PRKCA: variants seen among roughly 807,000 people sequenced by gnomAD.
PRKCA encodes the protein protein kinase C alpha type.
PRKCA carries 27 observed loss-of-function variants against 87.0 expected under a neutral mutation model. The observed-to-expected ratio is 0.31, with a 90% CI of 0.23 to 0.43. The LOEUF is 0.43. PRKCA is among the 20% of genes least tolerant of loss of function. PRKCA has a pLI of 1.00. For missense variants in PRKCA, 518 were observed against 852.3 expected, an observed-to-expected ratio of 0.61 and a Z score of 4.88; for synonymous variants, 329 against 311.1, an observed-to-expected ratio of 1.06 and a Z score of -0.61.
intron 3 of PRKCA, among the ~76,000 whole-genome samples, chr17:66,612,132 G>T (rs549234362): frequency 1.3e-5 from 2 of 151,296 alleles, no homozygotes; most frequent in East Asian, 3.9e-4. Flanking sequence ...TGTAATCCCA[G>T]CACTTTGAGA....
chr17:66,608,724 C>T (rs1208215248), intron 3 of PRKCA, among the ~76,000 whole-genome samples: 1 of 152,104 alleles, frequency 6.6e-6, no homozygotes, highest in African/African-American at 2.4e-5. Context: ...ATAAAGGTCT[C>T]CAGGAAGGTT....
chr17:66,306,541 A>C (rs953103625), intron 2 of PRKCA, among the ~76,000 whole-genome samples: 2 of 152,080 alleles, frequency 1.3e-5, no homozygotes, highest in Admixed American at 1.3e-4. Context: ...GCCGTATTTC[A>C]TTCTAGTAAG....
intron 2 of PRKCA, among the ~76,000 whole-genome samples, chr17:66,354,781 T>A (rs919650268): frequency 6.6e-6 from 1 of 152,214 alleles, no homozygotes; most frequent in African/African-American, 2.4e-5. Context: ...GATATTGCCT[T>A]GCACATAAAT....
intron 13 of PRKCA, among the ~76,000 whole-genome samples, chr17:66,763,460 CA>C (rs1974730578): frequency 6.6e-6 from 1 of 152,184 alleles, no homozygotes; most frequent in African/African-American, 2.4e-5. Context: ...TCTTTCTTTC[CA>C]AATGGTGCTG....
rs147804783 is a variant in PRKCA at position 66,511,589 on chromosome 17, C to T, written c.288+15306C>T. On this transcript the variant is annotated intron_variant, in intron 3 of 16. Transcript: ENST00000413366. ...TGAATATTTAAGAAGGAATCACATT[C>T]CTAGGTATTAAAGGGGCTTGGGCTT... Among the ~76,000 whole-genome samples, 258 of 152,140 alleles carry T rather than the reference C, an allele frequency of 1.7e-3. 3 individuals carry two copies. The highest frequency in any genetic ancestry group is 2.9e-3 in the Non-Finnish European group (196 of 68,002).
intron 2 of PRKCA, among the ~76,000 whole-genome samples, chr17:66,484,755 A>G (rs1915925876): frequency 6.6e-6 from 1 of 152,204 alleles, no homozygotes; most frequent in Non-Finnish European, 1.5e-5. Context: ...ACTATTACCA[A>G]TCTTGTTTCA....
chr17:66,603,207 C>T (rs955764260), intron 3 of PRKCA, among the ~76,000 whole-genome samples: 2 of 152,178 alleles, frequency 1.3e-5, no homozygotes, highest in African/African-American at 4.8e-5. Context: ...TCACTGGAGG[C>T]CCAGGGCCAG....
intron 2 of PRKCA, among the ~76,000 whole-genome samples, chr17:66,395,573 C>G (rs1910616999): frequency 6.6e-6 from 1 of 152,118 alleles, no homozygotes. Context: ...TACAGGTCCA[C>G]TTTAGATTGC....
At chr17:66,479,155 G>A (rs572706522) in intron 2 of PRKCA, among the ~76,000 whole-genome samples, 101 of 151,900 alleles carry the variant, frequency 6.6e-4, no homozygotes, top group African/African-American at 2.4e-3. Flanking sequence ...CATCTATAAG[G>A]AACTTAAATT....
chr17:66,778,366 A>G, intron 14 of PRKCA: 1 of 394,338 alleles, frequency 2.5e-6, no homozygotes, highest in Non-Finnish European at 3.5e-6. Flanking sequence ...GCAAAAAAAA[A>G]TTAGCCGAGT....
rs1365457229 is a variant in PRKCA, at chr17:66,534,442, C to T, written c.288+38159C>T. Among the ~76,000 whole-genome samples the T allele has an allele frequency of 2.6e-5, 4 of 151,934 alleles. No homozygotes were observed. In the East Asian group the frequency reaches 5.8e-4, roughly 22 times the overall value. ...CAGCACTTTGGGAGGCCGAGGTGGG[C>T]GGATCACGAGGTCAAGAGATCAAGA... On this transcript the variant is annotated intron_variant, in intron 3 of 16. Coordinates refer to ENST00000413366, the MANE Select transcript of PRKCA (RefSeq NM_002737.3).
At chr17:66,425,369 T>G (rs1912744205) in intron 2 of PRKCA, among the ~76,000 whole-genome samples, 1 of 152,098 alleles carries the variant, frequency 6.6e-6, no homozygotes, top group South Asian at 2.1e-4. Context: ...CCTCACTTTG[T>G]TCTGTGTGTG....
intron 8 of PRKCA, among the ~76,000 whole-genome samples, chr17:66,708,293 G>A (rs988431997): frequency 5.9e-5 from 9 of 152,230 alleles, no homozygotes; most frequent in African/African-American, 2.2e-4. Context: ...TTGAGCAGAG[G>A]TGTTTTGCTT....
At chr17:66,592,911 G>C (rs1969854202) in intron 3 of PRKCA, among the ~76,000 whole-genome samples, 2 of 152,158 alleles carry the variant, frequency 1.3e-5, no homozygotes, top group South Asian at 4.1e-4. Flanking sequence ...TCCTGCCTCA[G>C]CCTCCCGAGT....
intron 3 of PRKCA, among the ~76,000 whole-genome samples, chr17:66,594,156 C>T (rs1285996312): frequency 6.6e-6 from 1 of 152,192 alleles, no homozygotes; most frequent in Non-Finnish European, 1.5e-5. Context: ...GGATTCCAAG[C>T]CTTTCTCTTT....
intron 1 of PRKCA, 104 bp downstream of exon 1, chr17:66,303,128 T>C: frequency 6.9e-7 from 1 of 1,446,306 alleles, no homozygotes. Context: ...CTCCGATAAC[T>C]TGGAACCGGC....
At chr17:66,726,727 C>CTTT (rs770732800) in intron 8 of PRKCA, among the ~76,000 whole-genome samples, 3 of 142,384 alleles carry the variant, frequency 2.1e-5, no homozygotes, top group African/African-American at 7.7e-5. Context: ...GGACCACTGT[C>CTTT]TTTTTTTTTT....
intron 3 of PRKCA, chr17:66,638,170 T>C (rs1971196242): frequency 6.6e-6 from 1 of 151,654 alleles, no homozygotes; most frequent in South Asian, 2.1e-4. Context: ...GTTGCAAATA[T>C]AAAAATGCGT....
chr17:66,694,435 C>A (rs547070524), intron 8 of PRKCA, among the ~76,000 whole-genome samples: 1 of 128,650 alleles, frequency 7.8e-6, no homozygotes, highest in East Asian at 2.4e-4. Flanking sequence ...GAGCTGAGAT[C>A]GTGCCACTGC....
Sources: gnomAD v4.1 joint callset for allele counts (sites outside exome capture counted in the v4.1 genomes callset) on GRCh38, gnomAD v4.1.1 for gene constraint, MANE v1.5 for transcripts, NCBI Gene and HGNC (gene_info 2026-07-23, HGNC 2026-07-21) for gene names.